CNTN4: variants seen among roughly 807,000 people sequenced by gnomAD.
CNTN4 encodes contactin 4, also known as contactin-4.
In CNTN4, 77 loss-of-function variants were observed where a neutral mutation model predicts 122.5. That is an observed-to-expected ratio of 0.63 (90% CI 0.52 to 0.76). The LOEUF is 0.76. CNTN4 is among the 30% of genes least tolerant of loss of function. The pLI is 0.00. For synonymous variants in CNTN4, 512 were observed against 447.0 expected (o/e 1.15, Z -1.83); for missense variants, 1,256 against 1,259.1 (o/e 1.00, Z 0.04).
intron 3 of CNTN4, among the ~76,000 whole-genome samples, chr3:2,381,401 A>T (rs1355123006): frequency 6.6e-6 from 1 of 152,222 alleles, no homozygotes; most frequent in African/African-American, 2.4e-5. Flanking sequence ...AATGTACAGA[A>T]CAGTCAACAT....
chr3:2,312,538 C>CTTCTCCCAGGAGA (rs1043666767), intron 2 of CNTN4, among the ~76,000 whole-genome samples: 6 of 151,998 alleles, frequency 3.9e-5, no homozygotes, highest in Admixed American at 3.9e-4. Context: ...CCAGGAGAAA[C>CTTCTCCCAGGAGA]TTCTCCCAGG....
At chr3:2,145,412 C>T (rs2035198533) in intron 2 of CNTN4, among the ~76,000 whole-genome samples, 1 of 152,206 alleles carries the variant, frequency 6.6e-6, no homozygotes, top group East Asian at 1.9e-4. Flanking sequence ...CCTGTGCTAC[C>T]ACTAATCCTT....
rs780864941 is a variant in CNTN4, at chr3:2,903,055, T to C, written c.1207+50T>C. On this transcript the variant is annotated intron_variant, in intron 12 of 24. Coordinates refer to ENST00000418658, the MANE Select transcript of CNTN4 (RefSeq NM_175607.3). ...AAAAAATTAAAACTCTTTAGATCAC[T>C]AAACTAACTTGTTCTTTGCCAAGCA... 50 of 1,568,368 alleles carry C rather than the reference T, an allele frequency of 3.2e-5. No individual in the cohort carries two copies. In the Admixed American group the frequency reaches 8.1e-4, roughly 25 times the overall value.
chr3:2,174,854 G>A (rs776782465), intron 2 of CNTN4, among the ~76,000 whole-genome samples: 17 of 152,240 alleles, frequency 1.1e-4, no homozygotes, highest in Non-Finnish European at 1.8e-4. Context: ...AAAAGCAGGA[G>A]CAAGAGAGTG....
At chr3:2,626,289 C>G (rs773974409) in intron 4 of CNTN4, among the ~76,000 whole-genome samples, 2 of 151,936 alleles carry the variant, frequency 1.3e-5, no homozygotes, top group African/African-American at 4.8e-5. Flanking sequence ...GTCAGGAGAT[C>G]GAGACCATCC....
At chr3:2,950,717 T>A (rs914679809) in intron 13 of CNTN4, among the ~76,000 whole-genome samples, 2 of 152,204 alleles carry the variant, frequency 1.3e-5, no homozygotes, top group African/African-American at 2.4e-5. Flanking sequence ...TGAAAAGATA[T>A]CCCAGCATTC....
In CNTN4 at chr3:2,914,254, A is replaced by T. The variant is rs1267838254; in HGVS notation, c.1207+11249A>T. Among the ~76,000 whole-genome samples, 9 of 152,318 alleles carry T rather than the reference A, an allele frequency of 5.9e-5. No individual in the cohort carries two copies. The East Asian group carries it at 1.7e-3, about 29-fold the overall frequency. On this transcript the variant is annotated intron_variant, in intron 12 of 24. Coordinates refer to ENST00000418658, the MANE Select transcript of CNTN4 (RefSeq NM_175607.3). Reference sequence around the variant, plus strand: ...ACTTCGCACCACAGGCAACTAGAAAAAGATTTTAAAAACTGAAAAATCAGT... The same window carrying T: ...ACTTCGCACCACAGGCAACTAGAAATAGATTTTAAAAACTGAAAAATCAGT...
chr3:2,846,229 T>C (rs1475959703), intron 7 of CNTN4, among the ~76,000 whole-genome samples: 5 of 152,136 alleles, frequency 3.3e-5, no homozygotes, highest in Non-Finnish European at 7.4e-5. Context: ...TCCCCACATG[T>C]TGTGGGAGAA....
At chr3:3,035,861 T>C (rs1017295214) in intron 17 of CNTN4, among the ~76,000 whole-genome samples, 13 of 152,292 alleles carry the variant, frequency 8.5e-5, no homozygotes, top group African/African-American at 3.1e-4. Context: ...AGCCCCATTT[T>C]TTTAGATGGA....
At chr3:2,114,295 AC>A (rs1346104434) in intron 2 of CNTN4, among the ~76,000 whole-genome samples, 2 of 151,892 alleles carry the variant, frequency 1.3e-5, no homozygotes, top group African/African-American at 4.8e-5. Context: ...TCAAAAAAAA[AC>A]AAAAAAATAC....
chr3:2,697,173 CT>C lies in CNTN4; in HGVS notation c.56-39037del, dbSNP rs1404401728. On this transcript the variant is annotated intron_variant, in intron 4 of 24. Transcript: ENST00000418658. Reference sequence around the variant, plus strand: ...TATTAAGAAATTGTCTTTTCAATAACTTTTTAGTGTAATTAAGGAGATCATG... The same window carrying C: ...TATTAAGAAATTGTCTTTTCAATAACTTTTAGTGTAATTAAGGAGATCATG... 4.6e-5 allele frequency among the ~76,000 whole-genome samples: 7 copies of C among 152,216 alleles called. No homozygotes were observed. The South Asian group carries it at 1.5e-3, about 32-fold the overall frequency.
At chr3:2,318,360 T>G (rs960752142) in intron 2 of CNTN4, among the ~76,000 whole-genome samples, 3 of 152,156 alleles carry the variant, frequency 2.0e-5, no homozygotes, top group African/African-American at 7.2e-5. Flanking sequence ...AGTAAGCTTA[T>G]TCCAGAAGAG....
intron 4 of CNTN4, among the ~76,000 whole-genome samples, chr3:2,729,331 A>G (rs367560676): frequency 6.0e-4 from 91 of 151,988 alleles, no homozygotes; most frequent in East Asian, 2.9e-3. Context: ...TTGGGAGGCC[A>G]AGGCGGGCGG....
chr3:2,340,255 C>A (rs1003859400), intron 3 of CNTN4, among the ~76,000 whole-genome samples: 1 of 152,140 alleles, frequency 6.6e-6, no homozygotes, highest in East Asian at 1.9e-4. Context: ...TTATTGTTAA[C>A]AATGTATTTA....
At chr3:2,361,863 T>A (rs1186680508) in intron 3 of CNTN4, among the ~76,000 whole-genome samples, 1 of 152,186 alleles carries the variant, frequency 6.6e-6, no homozygotes, top group Non-Finnish European at 1.5e-5. Context: ...AGCTCTCTAA[T>A]TCCACAGGAT....
At chr3:2,785,205 T>C (rs1336157380) in intron 6 of CNTN4, among the ~76,000 whole-genome samples, 1 of 151,390 alleles carries the variant, frequency 6.6e-6, no homozygotes, top group Non-Finnish European at 1.5e-5. Context: ...GATTATGGAG[T>C]ATGAAGTCCC....
chr3:3,042,821 T>C, intron 21 of CNTN4, 156 bp from the exon 22 acceptor site: 1 of 669,732 alleles, frequency 1.5e-6, no homozygotes, highest in South Asian at 1.8e-5. Flanking sequence ...GGATAATTTC[T>C]CAGGATATAC....
intron 2 of CNTN4, among the ~76,000 whole-genome samples, chr3:2,151,075 T>G (rs996401653): frequency 6.6e-6 from 1 of 151,992 alleles, no homozygotes; most frequent in Non-Finnish European, 1.5e-5. Flanking sequence ...AAGTAATACA[T>G]TTTTTTAGAC....
In CNTN4 at chr3:2,968,227, C is replaced by G. The variant is rs190220710; in HGVS notation, c.1359-20118C>G. Among the ~76,000 whole-genome samples the G allele has an allele frequency of 1.5e-3, 227 of 152,266 alleles. 4 individuals carry two copies. Among genetic ancestry groups the G allele is most frequent in the African/African-American group, 5.4e-3 (225 of 41,542 alleles). ...TTTTAAGTTTCTTGGAAGTTGATTA[C>G]AATGTGCTTTTTGCTCCCTCTTCAA... is the stretch of plus-strand genomic sequence containing the variant. On this transcript the variant is annotated intron_variant, in intron 13 of 24. Coordinates refer to ENST00000418658, the MANE Select transcript of CNTN4 (RefSeq NM_175607.3).
Sources: allele counts gnomAD v4.1 joint callset (sites outside exome capture counted in the v4.1 genomes callset), GRCh38; gene constraint gnomAD v4.1.1; transcripts MANE v1.5; gene names NCBI Gene and HGNC (gene_info 2026-07-23, HGNC 2026-07-21).